The following MCF2L2 variants were observed in gnomAD, a reference collection of about 807,000 sequenced individuals.
The protein encoded by MCF2L2 is probable guanine nucleotide exchange factor MCF2L2.
MCF2L2 carries 102 observed loss-of-function variants against 150.2 expected under a neutral mutation model. That is an observed-to-expected ratio of 0.68 (90% CI 0.58 to 0.80). MCF2L2 has a LOEUF of 0.80. Among genes scored for constraint, MCF2L2 ranks in the 30% least tolerant of loss-of-function variants. The pLI, the probability that MCF2L2 is intolerant of heterozygous loss-of-function variation, is 0.00. For synonymous variants in MCF2L2, 465 were observed against 491.3 expected (o/e 0.95, Z 0.71); for missense variants, 1,256 against 1,372.8 (o/e 0.91, Z 1.34).
At chr3:183,224,023 TC>T (rs1326275835) in intron 19 of MCF2L2, 74 bp downstream of exon 19, 4 of 1,069,862 alleles carry the variant, frequency 3.7e-6, no homozygotes, top group Non-Finnish European at 5.8e-6. Flanking sequence ...CTCTCCCTAG[TC>T]CCACTTTTGA....
chr3:183,212,716 G>A (rs1290369562), intron 22 of MCF2L2, among the ~76,000 whole-genome samples: 1 of 152,054 alleles, frequency 6.6e-6, no homozygotes, highest in Non-Finnish European at 1.5e-5. Context: ...CTGTATAAAT[G>A]CGTCCACACA....
At chr3:183,371,768 G>A (rs534640550) in intron 3 of MCF2L2, among the ~76,000 whole-genome samples, 56 of 151,678 alleles carry the variant, frequency 3.7e-4, no homozygotes, top group South Asian at 2.7e-3. Flanking sequence ...GTAAGCCACC[G>A]CACCCGGCCT....
At chr3:183,360,980 A>T in intron 3 of MCF2L2, among the ~76,000 whole-genome samples, 1 of 124,618 alleles carries the variant, frequency 8.0e-6, no homozygotes, top group Non-Finnish European at 1.6e-5. Context: ...AAAGAAAAGA[A>T]AAGAAAAGAA....
chr3:183,246,552 T>G (rs1240919270), intron 15 of MCF2L2, among the ~76,000 whole-genome samples: 1 of 152,238 alleles, frequency 6.6e-6, no homozygotes, highest in African/African-American at 2.4e-5. Flanking sequence ...ATCTTCCATT[T>G]TATGTGTCTA....
chr3:183,370,692 A>C (rs1318745102), intron 3 of MCF2L2, among the ~76,000 whole-genome samples: 1 of 152,124 alleles, frequency 6.6e-6, no homozygotes, highest in Admixed American at 6.5e-5. Context: ...GTAACATCAG[A>C]CCCCTAGTTT....
rs547988518 is a variant in MCF2L2 at position 183,418,273 on chromosome 3, AT to A, written c.76+9628del. On this transcript the variant is annotated intron_variant, in intron 1 of 29. Transcript: ENST00000328913. ...GAACAGCATGGAGGAAACCACCCCC[AT>A]GATCCAATCACCTCCCAGGAGGTCC... Among the ~76,000 whole-genome samples the A allele has an allele frequency of 7.7e-3, 1,175 of 152,256 alleles. 9 individuals are homozygous for A. Among genetic ancestry groups the A allele is most frequent in the Non-Finnish European group, 0.014 (929 of 68,016 alleles).
chr3:183,253,824 CTG>C (rs1246361513), intron 15 of MCF2L2: 2 of 152,320 alleles, frequency 1.3e-5, no homozygotes, highest in Admixed American at 6.5e-5. Context: ...CGGAGTTAGT[CTG>C]TGGTCAGTTA....
At position 183,283,527 on chromosome 3, in the gene MCF2L2, C is replaced by CT. The variant is rs879544498; in HGVS notation, c.1776+5592dup. On this transcript the variant is annotated intron_variant, in intron 14 of 29. Coordinates refer to ENST00000328913, the MANE Select transcript of MCF2L2 (RefSeq NM_015078.4). The surrounding 1 kb of genome is among the most constrained non-coding windows in gnomAD (Gnocchi z 4.2). ...CCCACCTTTCAGAGTTCTATTTATT[C>CT]TTTTTTTTTTTTTAGATGGAGTCTC... Among the ~76,000 whole-genome samples, 2,997 of 144,552 alleles carry CT rather than the reference C, an allele frequency of 0.021. 58 individuals carry two copies. The highest frequency in any genetic ancestry group is 0.056 in the East Asian group (276 of 4,972). The allele number at this position is 144,552 out of a possible 152,430, so 94.8% of individuals were successfully genotyped here.
intron 22 of MCF2L2, among the ~76,000 whole-genome samples, chr3:183,211,721 A>G (rs1373554915): frequency 6.6e-6 from 1 of 152,224 alleles, no homozygotes; most frequent in Non-Finnish European, 1.5e-5. Flanking sequence ...CGTGTTCACC[A>G]GTATTTATTT....
At chr3:183,327,602 C>T (rs1730104201) in intron 5 of MCF2L2, among the ~76,000 whole-genome samples, 1 of 152,166 alleles carries the variant, frequency 6.6e-6, no homozygotes, top group Non-Finnish European at 1.5e-5. Context: ...CTCTGTCTCC[C>T]TCTACCTTCC....
In MCF2L2 at chr3:183,428,212, C is replaced by A; in HGVS notation, c.-235G>T. 2.0e-6 allele frequency: 1 copy of A among 504,234 alleles called. No individual in the cohort carries two copies. The highest frequency in any genetic ancestry group is 3.5e-6 in the Non-Finnish European group (1 of 287,658). The allele number at this position is 504,234 out of a possible 1,614,324, so 31.2% of individuals were successfully genotyped here. A position where few individuals can be genotyped will look rare whatever the true frequency, so the allele number is the denominator to read the frequency against. On this transcript the variant is annotated 5_prime_UTR_variant, in exon 1 of 30. Coordinates refer to ENST00000328913, the MANE Select transcript of MCF2L2 (RefSeq NM_015078.4). This position sits in a 1 kb window ranked among gnomAD's most constrained non-coding sequence, Gnocchi z 5.1. ...CGCTTTCCCAGCGTCGCAGCTGGAC[C>A]GAGAGAGGAGCGGCCGTTCTGCAAA...
rs912634426 is a variant in MCF2L2 at position 183,300,193 on chromosome 3, G to A, written c.1117C>T (p.Pro373Ser). The change falls in exon 11 of 30, where the codon CCC becomes TCC. Residue 373 changes from proline to serine, a missense_variant. Pro to Ser is a moderately conservative substitution (Grantham distance 74). Coordinates refer to ENST00000328913, the MANE Select transcript of MCF2L2 (RefSeq NM_015078.4). Reference protein sequence around the residue: ...HKKLEEKSQEPLEKAQLLALV... With the variant: ...HKKLEEKSQESLEKAQLLALV... The stretch of plus-strand genomic sequence containing the variant: ...GCCAGCAGCTGGGCCTTTTCCAGGG[G>A]CTCCTGCAAAGTGAACACCCACAGC... 6.2e-7 allele frequency: 1 copy of A among 1,600,394 alleles called. No homozygotes were observed. The highest frequency in any genetic ancestry group is 1.4e-5 in the African/African-American group (1 of 73,776).
At chr3:183,192,152 A>T (rs9841168) in intron 27 of MCF2L2, among the ~76,000 whole-genome samples, 4,274 of 119,582 alleles carry the variant, frequency 0.036, 202 homozygotes, top group African/African-American at 0.13. Flanking sequence ...TTATTTATTT[A>T]TTTTTTCAGA....
At chr3:183,402,467 A>AAAAAAAAAAAAAAAAAAAAAAAAAC (rs1714819036) in intron 1 of MCF2L2, among the ~76,000 whole-genome samples, 1 of 144,238 alleles carries the variant, frequency 6.9e-6, no homozygotes, top group Non-Finnish European at 1.5e-5. Context: ...AAAAAAAAAA[A>AAAAAAAAAAAAAAAAAAAAAAAAAC]AAAAAAGAAT....
chr3:183,181,699 C>T lies in MCF2L2; in HGVS notation c.3017-1540G>A, dbSNP rs1355277624. ...AGGGAGCCATGCCCTTGACCATCCCCTGCATGAATAGGAAGGGCTGTGTCT... is the reference window on the plus strand; with the variant it reads ...AGGGAGCCATGCCCTTGACCATCCCTTGCATGAATAGGAAGGGCTGTGTCT... On this transcript the variant is annotated intron_variant, in intron 27 of 29. Coordinates refer to ENST00000328913, the MANE Select transcript of MCF2L2 (RefSeq NM_015078.4). The surrounding 1 kb of genome is among the most constrained non-coding windows in gnomAD (Gnocchi z 4.3). 6.6e-6 allele frequency among the ~76,000 whole-genome samples: 1 copy of T among 152,096 alleles called. No homozygotes were observed. Among genetic ancestry groups the T allele is most frequent in the Non-Finnish European group, 1.5e-5 (1 of 68,020 alleles).
intron 25 of MCF2L2, among the ~76,000 whole-genome samples, chr3:183,199,544 T>G (rs576899804): frequency 5.9e-5 from 9 of 152,206 alleles, no homozygotes; most frequent in African/African-American, 2.2e-4. Context: ...CCAAATTCTC[T>G]TCTTTGTGAA....
chr3:183,217,589 A>G (rs1387749432), intron 21 of MCF2L2, among the ~76,000 whole-genome samples: 1 of 152,192 alleles, frequency 6.6e-6, no homozygotes, highest in Non-Finnish European at 1.5e-5. Flanking sequence ...CCAGAGGAGG[A>G]CATTTGTAAA....
At chr3:183,325,507 A>C (rs1729987225) in intron 5 of MCF2L2, among the ~76,000 whole-genome samples, 1 of 152,162 alleles carries the variant, frequency 6.6e-6, no homozygotes, top group Admixed American at 6.6e-5. Context: ...CCACCTAAAA[A>C]TTTTAAACCA....
intron 7 of MCF2L2, among the ~76,000 whole-genome samples, chr3:183,317,256 C>T (rs1480782534): frequency 6.6e-6 from 1 of 152,164 alleles, no homozygotes; most frequent in Non-Finnish European, 1.5e-5. Context: ...CAGTTCAACT[C>T]TTCCCAAGTT....
Sources: gnomAD v4.1 joint callset for allele counts (sites outside exome capture counted in the v4.1 genomes callset) on GRCh38, gnomAD v4.1.1 for gene constraint, Gnocchi (gnomAD v3.1) non-coding constraint, MANE v1.5 for transcripts, NCBI Gene and HGNC (gene_info 2026-07-23, HGNC 2026-07-21) for gene names.